PCDHGA4: variants seen among roughly 807,000 people sequenced by gnomAD.
PCDHGA4 encodes protocadherin gamma subfamily A, 4.
In PCDHGA4, 38 loss-of-function variants were observed where a neutral mutation model predicts 54.6. The ratio of observed to expected loss-of-function variants is 0.70; its 90% CI spans 0.54 to 0.91. PCDHGA4 has a LOEUF of 0.91. Among genes scored for constraint, PCDHGA4 ranks in the 40% least tolerant of loss-of-function variants. The probability of loss-of-function intolerance (pLI) is 0.00; values close to 1 mark genes in which losing one functional copy is unlikely to be tolerated. For synonymous variants in PCDHGA4, 511 were observed against 512.9 expected (o/e 1.00, Z 0.05); for missense variants, 1,298 against 1,220.9 (o/e 1.06, Z -0.94).
chr5:141,462,240 A>G (rs375419703), intron 1 of PCDHGA4, among the ~76,000 whole-genome samples: 2 of 152,216 alleles, frequency 1.3e-5, no homozygotes, highest in South Asian at 4.1e-4. Context: ...GATTACAGGT[A>G]TGAGCCACCA....
intron 1 of PCDHGA4, chr5:141,408,319 G>T: frequency 6.2e-7 from 1 of 1,613,896 alleles, no homozygotes; most frequent in Non-Finnish European, 8.5e-7. Context: ...CGATTCCGGA[G>T]GAGCTGGCCA....
At chr5:141,362,050 C>G (rs750121912) in intron 1 of PCDHGA4, 8 of 1,611,220 alleles carry the variant, frequency 5.0e-6, no homozygotes, top group Admixed American at 1.7e-5. Flanking sequence ...GGACGCGGCC[C>G]GCCAGCGCCT....
At chr5:141,422,966 C>A (rs762530904) in intron 1 of PCDHGA4, 1 of 1,614,112 alleles carries the variant, frequency 6.2e-7, no homozygotes, top group Admixed American at 1.7e-5. Flanking sequence ...GAGCTGGCGC[C>A]CCGCTCTGCG....
At position 141,432,718 on chromosome 5, in the gene PCDHGA4, T is replaced by C; in HGVS notation, c.2515-62089T>C. ...CCGTCCAGGACCACGGCCAGCCCCC[T>C]CTCTCCGCCACTGTCACGCTCACCG... On this transcript the variant is annotated intron_variant, in intron 1 of 3. Coordinates refer to ENST00000571252, the MANE Select transcript of PCDHGA4 (RefSeq NM_018917.4). This position sits in a 1 kb window ranked among gnomAD's most constrained non-coding sequence, Gnocchi z 6.0. 1 of 1,613,476 alleles carries C rather than the reference T, an allele frequency of 6.2e-7. No homozygotes were observed. The highest frequency in any genetic ancestry group is 8.5e-7 in the Non-Finnish European group (1 of 1,179,862).
chr5:141,386,174 A>G (rs2090487407), intron 1 of PCDHGA4, among the ~76,000 whole-genome samples: 1 of 152,240 alleles, frequency 6.6e-6, no homozygotes, highest in South Asian at 2.1e-4. Flanking sequence ...ACCTTAGACC[A>G]TCTTATGTAC....
At chr5:141,433,099 C>T (rs1003269683) in intron 1 of PCDHGA4, 1 of 1,614,190 alleles carries the variant, frequency 6.2e-7, no homozygotes, top group Non-Finnish European at 8.5e-7. Context: ...ACATGCTCGT[C>T]AGCCAGGAGA....
At chr5:141,495,073 C>T (rs1464039604) in intron 2 of PCDHGA4, among the ~76,000 whole-genome samples, 1 of 152,186 alleles carries the variant, frequency 6.6e-6, no homozygotes, top group Non-Finnish European at 1.5e-5. Flanking sequence ...GCTCAATTCA[C>T]ATGCTTGCCC....
At chr5:141,499,553 A>T (rs1215178587) in intron 2 of PCDHGA4, among the ~76,000 whole-genome samples, 3 of 152,206 alleles carry the variant, frequency 2.0e-5, no homozygotes, top group African/African-American at 4.8e-5. Context: ...CCTGTATGAT[A>T]CCACTATCCA....
intron 1 of PCDHGA4, chr5:141,394,791 C>G (rs919264078): frequency 6.2e-7 from 1 of 1,613,736 alleles, no homozygotes. Flanking sequence ...CACTGTCACG[C>G]TCACCGTAGC....
intron 1 of PCDHGA4, among the ~76,000 whole-genome samples, chr5:141,462,550 A>G (rs1485478117): frequency 6.6e-6 from 1 of 151,942 alleles, no homozygotes; most frequent in East Asian, 1.9e-4. Flanking sequence ...TTTCTTCTTC[A>G]GTGTTTACTG....
Position 141,485,392 on chromosome 5 carries a change from A to G in PCDHGA4, c.2515-9415A>G. ...AGGTCGCTGGAGAGGTGAACCAAAG[A>G]CACTTCCGTGTGGATTTGGACAGCG... On this transcript the variant is annotated intron_variant, in intron 1 of 3. Coordinates refer to ENST00000571252, the MANE Select transcript of PCDHGA4 (RefSeq NM_018917.4). This position sits in a 1 kb window ranked among gnomAD's most constrained non-coding sequence, Gnocchi z 5.7. 1 of 1,613,918 alleles carries G rather than the reference A, an allele frequency of 6.2e-7. No homozygotes were observed. The highest frequency in any genetic ancestry group is 8.5e-7 in the Non-Finnish European group (1 of 1,179,938).
intron 1 of PCDHGA4, among the ~76,000 whole-genome samples, chr5:141,480,911 G>A (rs2154578422): frequency 6.6e-6 from 1 of 152,218 alleles, no homozygotes; most frequent in East Asian, 1.9e-4. Flanking sequence ...TGGGCATGGT[G>A]GCGCATACCT....
chr5:141,476,665 C>T lies in PCDHGA4; in HGVS notation c.2515-18142C>T. On this transcript the variant is annotated intron_variant, in intron 1 of 3. Coordinates refer to ENST00000571252, the MANE Select transcript of PCDHGA4 (RefSeq NM_018917.4). This position sits in a 1 kb window ranked among gnomAD's most constrained non-coding sequence, Gnocchi z 7.6. ...GCCGAAATGAATACTTTGCGCTTCG[C>T]GTGCAGACGCGGGAGGACAGCACCA... 6.2e-7 allele frequency: 1 copy of T among 1,614,240 alleles called. No homozygotes were observed. Among genetic ancestry groups the T allele is most frequent in the East Asian group, 2.2e-5 (1 of 44,882 alleles).
rs753936459 is a variant in PCDHGA4 at position 141,501,288 on chromosome 5, TATAC to T, written c.2574-4103_2574-4100del. Among the ~76,000 whole-genome samples the T allele has an allele frequency of 4.5e-4, 37 of 81,322 alleles. No homozygotes were observed. The South Asian group carries it at 5.1e-3, about 11-fold the overall frequency. 53.4% of individuals were successfully genotyped at this position (81,322 alleles called of 152,430 possible). A position where few individuals can be genotyped will look rare whatever the true frequency, so the allele number is the denominator to read the frequency against. ...TAGTCCAGTCTATGGGATATTCCCT[TATAC>T]ACACACACACACACACACACACACA... On this transcript the variant is annotated intron_variant, in intron 2 of 3. Coordinates refer to ENST00000571252, the MANE Select transcript of PCDHGA4 (RefSeq NM_018917.4).
intron 1 of PCDHGA4, chr5:141,371,230 A>G: frequency 6.2e-7 from 1 of 1,614,038 alleles, no homozygotes; most frequent in Non-Finnish European, 8.5e-7. Flanking sequence ...GAAATCATCT[A>G]TGCCTTCATC....
At chr5:141,427,721 A>C (rs904969652) in intron 1 of PCDHGA4, 3 of 1,110,498 alleles carry the variant, frequency 2.7e-6, no homozygotes, top group Non-Finnish European at 4.0e-6. Context: ...ACCTGGACCT[A>C]GGGCTGAATG....
intron 1 of PCDHGA4, among the ~76,000 whole-genome samples, chr5:141,447,652 C>T (rs901761789): frequency 6.6e-6 from 1 of 151,972 alleles, no homozygotes; most frequent in African/African-American, 2.4e-5. Context: ...TAGAATTTTC[C>T]CCCCCAGGAA....
At chr5:141,470,649 C>T (rs1486535307) in intron 1 of PCDHGA4, among the ~76,000 whole-genome samples, 1 of 152,160 alleles carries the variant, frequency 6.6e-6, no homozygotes, top group African/African-American at 2.4e-5. Flanking sequence ...TTGAAGGCCC[C>T]TACCCTTTGG....
At chr5:141,384,606 A>AGATGGT in intron 1 of PCDHGA4, 1 of 1,614,152 alleles carries the variant, frequency 6.2e-7, no homozygotes, top group Non-Finnish European at 8.5e-7. Context: ...CCCTCCCCAC[A>AGATGGT]GATGGTTCTA....
Sources: gnomAD v4.1 joint callset for allele counts (sites outside exome capture counted in the v4.1 genomes callset) on GRCh38, gnomAD v4.1.1 for gene constraint, Gnocchi (gnomAD v3.1) non-coding constraint, MANE v1.5 for transcripts, NCBI Gene and HGNC (gene_info 2026-07-23, HGNC 2026-07-21) for gene names.